FBLN7: variants seen among roughly 807,000 people sequenced by gnomAD.
FBLN7 encodes the protein fibulin-7.
Under a neutral mutation model 44.0 loss-of-function variants are expected in FBLN7, and 31 were observed. The ratio of observed to expected loss-of-function variants is 0.70; its 90% CI spans 0.53 to 0.95. FBLN7 has a LOEUF of 0.95. Among genes scored for constraint, FBLN7 ranks in the 40% least tolerant of loss-of-function variants. The pLI, the probability that FBLN7 is intolerant of heterozygous loss-of-function variation, is 0.00. For missense variants in FBLN7, 573 were observed against 618.5 expected, an observed-to-expected ratio of 0.93 and a Z score of 0.78; for synonymous variants, 262 against 253.4, an observed-to-expected ratio of 1.03 and a Z score of -0.32.
intron 1 of FBLN7, among the ~76,000 whole-genome samples, chr2:112,139,840 C>T (rs1231642800): frequency 1.3e-5 from 1 of 78,492 alleles, no homozygotes; most frequent in Non-Finnish European, 2.6e-5. Context: ...AGTGTCCCTC[C>T]CGCCTCTCTC....
the FBLN7 span, among the ~76,000 whole-genome samples, chr2:112,209,332 A>C: frequency 6.6e-6 from 1 of 152,148 alleles, no homozygotes; most frequent in Non-Finnish European, 1.5e-5. Context: ...AGTGCTTCAG[A>C]ACTTCTGAGT....
chr2:112,154,219 A>T (rs1681303146), intron 1 of FBLN7, among the ~76,000 whole-genome samples: 1 of 152,354 alleles, frequency 6.6e-6, no homozygotes, highest in Non-Finnish European at 1.5e-5. Context: ...AGAAGTTATT[A>T]ATTCAAAGAA....
the FBLN7 span, among the ~76,000 whole-genome samples, chr2:112,219,338 C>T: frequency 1.2e-4 from 18 of 152,248 alleles, no homozygotes; most frequent in East Asian, 1.7e-3. Flanking sequence ...GAAGGAAGGA[C>T]GGTCTTTCAA....
chr2:112,160,004 T>TA (rs1281239243), intron 2 of FBLN7, among the ~76,000 whole-genome samples, 169 bp downstream of exon 2: 1 of 151,936 alleles, frequency 6.6e-6, no homozygotes, highest in Non-Finnish European at 1.5e-5. Context: ...TTTATTTATT[T>TA]TTTTGAGACG....
At chr2:112,178,269 C>CAAAAAAAAAAAAAAAAAAAAA (rs60515148) in intron 4 of FBLN7, among the ~76,000 whole-genome samples, 1 of 144,278 alleles carries the variant, frequency 6.9e-6, no homozygotes, top group Admixed American at 6.9e-5. Context: ...AAAAAAAAAA[C>CAAAAAAAAAAAAAAAAAAAAA]CAAAAGAAAA....
chr2:112,173,899 C>A (rs1414209874), intron 3 of FBLN7, among the ~76,000 whole-genome samples: 1 of 152,222 alleles, frequency 6.6e-6, no homozygotes, highest in African/African-American at 2.4e-5. Context: ...GAAATGAATA[C>A]ACTGGGTGGA....
chr2:112,160,812 A>ACG (rs1454401903), intron 2 of FBLN7, among the ~76,000 whole-genome samples: 1 of 144,900 alleles, frequency 6.9e-6, no homozygotes, highest in Non-Finnish European at 1.5e-5. Flanking sequence ...ACGCACACAC[A>ACG]CGCACACACA....
chr2:112,144,577 T>TGCA lies in FBLN7; in HGVS notation c.75+5849_75+5851dup, dbSNP rs550324513. 8.4e-4 allele frequency among the ~76,000 whole-genome samples: 124 copies of TGCA among 148,308 alleles called. 1 individual carries two copies. The highest frequency in any genetic ancestry group is 1.5e-3 in the Non-Finnish European group (101 of 67,428). ...TCTTGCTCTGTCACTCAGGCTGGAG[T>TGCA]GCAGTGGCGTGATCTTGGCTCACTG... On this transcript the variant is annotated intron_variant, in intron 1 of 7. Coordinates refer to ENST00000331203, the MANE Select transcript of FBLN7 (RefSeq NM_153214.3).
In FBLN7 at chr2:112,160,829, CAT is replaced by C. The variant is rs1306219280; in HGVS notation, c.235+996_235+997del. On this transcript the variant is annotated intron_variant, in intron 2 of 7. Coordinates refer to ENST00000331203, the MANE Select transcript of FBLN7 (RefSeq NM_153214.3). ...GCACACACACGCACACACAAGCACG[CAT>C]ACACGCACGCACACGCGCACACACA... 1.3e-3 allele frequency among the ~76,000 whole-genome samples: 186 copies of C among 138,698 alleles called. 1 individual carries two copies. Among genetic ancestry groups the C allele is most frequent in the African/African-American group, 4.1e-3 (145 of 35,220 alleles). 91.0% of individuals were successfully genotyped at this position (138,698 alleles called of 152,430 possible).
Position 112,187,058 on chromosome 2 carries a change from G to T in FBLN7, c.948-76G>T. On this transcript the variant is annotated intron_variant, in intron 7 of 7. Transcript: ENST00000331203. This position sits in a 1 kb window ranked among gnomAD's most constrained non-coding sequence, Gnocchi z 5.1. ...CTAGGTGGCCTCTGCAAGAGGGCAG[G>T]TGGGCAGCCGGGTCAGAGCAGCTCT... The T allele has an allele frequency of 1.9e-6, 3 of 1,549,154 alleles. No individual in the cohort carries two copies. The highest frequency in any genetic ancestry group is 1.2e-5 in the South Asian group (1 of 80,730).
the FBLN7 span, among the ~76,000 whole-genome samples, chr2:112,200,990 A>G: frequency 6.6e-6 from 1 of 152,218 alleles, no homozygotes; most frequent in South Asian, 2.1e-4. Flanking sequence ...ATCCTTGCAG[A>G]GAATACAGCT....
intron 3 of FBLN7, among the ~76,000 whole-genome samples, chr2:112,166,918 G>T (rs1185904318): frequency 6.6e-6 from 1 of 152,114 alleles, no homozygotes; most frequent in Non-Finnish European, 1.5e-5. Context: ...GCACCTGATT[G>T]CAGTCAACTC....
At chr2:112,195,947 T>TG in the FBLN7 span, among the ~76,000 whole-genome samples, 8 of 152,162 alleles carry the variant, frequency 5.3e-5, no homozygotes, top group Non-Finnish European at 1.0e-4. Flanking sequence ...TGTGCCCTCG[T>TG]GGGAGGGCAT....
rs1392143870 is a variant in FBLN7, at chr2:112,187,490, C to T, written c.1304C>T (p.Ser435Phe). The change falls in exon 8 of 8, where the codon TCC becomes TTC. Residue 435 changes from serine to phenylalanine, a missense_variant. Ser to Phe is a radical substitution (Grantham distance 155, BLOSUM62 -2). Transcript: ENST00000331203. This position sits in a 1 kb window ranked among gnomAD's most constrained non-coding sequence, Gnocchi z 5.1. ...GTGTCCAAGGTCACCATCTTTGTAT[C>T]CCCCTATGACTTCTGAGGGTACACA... ...NHVSKVTIFV[S>F]PYDF The T allele has an allele frequency of 1.2e-6, 2 of 1,614,116 alleles. No individual in the cohort carries two copies. Among genetic ancestry groups the T allele is most frequent in the Non-Finnish European group, 8.5e-7 (1 of 1,180,004 alleles).
chr2:112,207,242 G>A, the FBLN7 span, among the ~76,000 whole-genome samples: 136 of 152,190 alleles, frequency 8.9e-4, no homozygotes, highest in African/African-American at 3.0e-3. Flanking sequence ...AGAGGCAGGC[G>A]GATCACCTGA....
chr2:112,243,895 G>A, the FBLN7 span, among the ~76,000 whole-genome samples: 3 of 151,144 alleles, frequency 2.0e-5, no homozygotes, highest in Admixed American at 6.6e-5. Context: ...AATACACAAA[G>A]ATATTAAAAA....
the FBLN7 span, among the ~76,000 whole-genome samples, chr2:112,209,098 A>G: frequency 1.3e-5 from 2 of 152,234 alleles, no homozygotes; most frequent in Non-Finnish European, 2.9e-5. Context: ...AATCAAAATC[A>G]TAATGTAGGC....
chr2:112,211,780 C>T, the FBLN7 span: 1 of 151,768 alleles, frequency 6.6e-6, no homozygotes, highest in African/African-American at 2.4e-5. Context: ...GCCTCCAAGA[C>T]AAGTTCGAAT....
the FBLN7 span, among the ~76,000 whole-genome samples, chr2:112,207,488 T>C: frequency 6.6e-6 from 1 of 151,200 alleles, no homozygotes. Context: ...AAAAAGAATG[T>C]GTATTCTACT....
Sources: allele counts gnomAD v4.1 joint callset (sites outside exome capture counted in the v4.1 genomes callset), GRCh38; gene constraint gnomAD v4.1.1; non-coding constraint Gnocchi (gnomAD v3.1); transcripts MANE v1.5; gene names NCBI Gene and HGNC (gene_info 2026-07-23, HGNC 2026-07-21).